PPARGC1A: variants seen among roughly 807,000 people sequenced by gnomAD.
PPARGC1A encodes the protein PPARG coactivator 1 alpha.
A neutral mutation model predicts 88.7 loss-of-function variants in PPARGC1A; 25 were observed. The observed-to-expected ratio is 0.28, with a 90% confidence interval of 0.21 to 0.39. The LOEUF (loss-of-function observed/expected upper bound fraction) is 0.39. PPARGC1A is among the 10% of genes least tolerant of loss of function. The pLI, the probability that PPARGC1A is intolerant of heterozygous loss-of-function variation, is 1.00. For missense variants in PPARGC1A, 880 were observed against 968.7 expected, an observed-to-expected ratio of 0.91 and a Z score of 1.22; for synonymous variants, 363 against 355.6, an observed-to-expected ratio of 1.02 and a Z score of -0.24.
the PPARGC1A span, among the ~76,000 whole-genome samples, chr4:23,953,086 T>C: frequency 6.6e-6 from 1 of 152,138 alleles, no homozygotes; most frequent in African/African-American, 2.4e-5. Flanking sequence ...CTCACCTTTC[T>C]TTCTGAAAAT....
chr4:24,471,960 C>A, the PPARGC1A span, among the ~76,000 whole-genome samples: 1 of 152,184 alleles, frequency 6.6e-6, no homozygotes, highest in African/African-American at 2.4e-5. The surrounding 1 kb of genome is among the most constrained non-coding windows in gnomAD (Gnocchi z 5.4). Flanking sequence ...GGCTCTGCAG[C>A]CCCTCGGCGC....
chr4:24,119,460 C>T, the PPARGC1A span, among the ~76,000 whole-genome samples: 1 of 152,138 alleles, frequency 6.6e-6, no homozygotes, highest in Non-Finnish European at 1.5e-5. Flanking sequence ...TTCTCTGTGG[C>T]AACTGAGCAG....
the PPARGC1A span, among the ~76,000 whole-genome samples, chr4:23,983,404 C>T: frequency 2.6e-5 from 4 of 152,042 alleles, no homozygotes; most frequent in Non-Finnish European, 4.4e-5. Context: ...GATGCAGTGC[C>T]TTTAAAACAG....
the PPARGC1A span, among the ~76,000 whole-genome samples, chr4:24,101,303 T>C: frequency 1.3e-5 from 2 of 152,218 alleles, no homozygotes; most frequent in Admixed American, 6.5e-5. Context: ...CCTTCTGCCA[T>C]GATTGTACGT....
chr4:23,994,120 C>T, the PPARGC1A span, among the ~76,000 whole-genome samples: 5 of 152,116 alleles, frequency 3.3e-5, no homozygotes, highest in Non-Finnish European at 5.9e-5. Flanking sequence ...ATTTGAATCC[C>T]GGTCACCTCA....
At chr4:24,272,479 C>G in the PPARGC1A span, among the ~76,000 whole-genome samples, 1 of 152,044 alleles carries the variant, frequency 6.6e-6, no homozygotes, top group Non-Finnish European at 1.5e-5. Flanking sequence ...GATCACTAGG[C>G]CCTAATTTAG....
chr4:24,415,187 C>CA, the PPARGC1A span, among the ~76,000 whole-genome samples: 333 of 122,246 alleles, frequency 2.7e-3, no homozygotes, highest in African/African-American at 5.1e-3. Flanking sequence ...GAGACTCTGT[C>CA]AAAAAAAAAA....
At chr4:24,276,327 A>G in the PPARGC1A span, among the ~76,000 whole-genome samples, 1 of 152,198 alleles carries the variant, frequency 6.6e-6, no homozygotes, top group African/African-American at 2.4e-5. Context: ...GTAAGTCCAC[A>G]TGCATCCAGG....
chr4:24,133,535 T>C, the PPARGC1A span, among the ~76,000 whole-genome samples: 2 of 152,252 alleles, frequency 1.3e-5, no homozygotes, highest in African/African-American at 4.8e-5. Flanking sequence ...CACGTCTTCG[T>C]TGAAGAGAAG....
At chr4:24,045,626 G>C in the PPARGC1A span, among the ~76,000 whole-genome samples, 1 of 152,084 alleles carries the variant, frequency 6.6e-6, no homozygotes, top group Non-Finnish European at 1.5e-5. Context: ...CTTCTCCTCC[G>C]TGTGTCTGTC....
chr4:23,880,036 T>C (rs1265525742), intron 2 of PPARGC1A: 1 of 151,910 alleles, frequency 6.6e-6, no homozygotes, highest in African/African-American at 2.4e-5. Flanking sequence ...CAGCTAGAAA[T>C]ACACATACAT....
At chr4:23,857,902 T>C (rs74868851) in intron 2 of PPARGC1A, among the ~76,000 whole-genome samples, 17,643 of 151,348 alleles carry the variant, frequency 0.12, 1,165 homozygotes, top group Non-Finnish European at 0.14. Flanking sequence ...CAGCCATACA[T>C]ATCCTTCTGC....
At position 23,884,944 on chromosome 4, in the gene PPARGC1A, GA is replaced by G. The variant is rs760657208; in HGVS notation, c.55-14del. The G allele has an allele frequency of 2.7e-4, 393 of 1,468,170 alleles. 1 individual carries two copies. The highest frequency in any genetic ancestry group is 2.0e-3 in the South Asian group (149 of 73,294). The allele number at this position is 1,468,170 out of a possible 1,614,324, so 90.9% of individuals were successfully genotyped here. A position where few individuals can be genotyped will look rare whatever the true frequency, so the allele number is the denominator to read the frequency against. On this transcript the variant is annotated splice_polypyrimidine_tract_variant and intron_variant, in intron 1 of 12. Transcript: ENST00000264867. ...CCAGAGCAGCACACTGCAGGAGGCA[GA>G]AAAAAAAAATTTAAAAAAGCTTCCA...
At chr4:24,402,932 C>G in the PPARGC1A span, among the ~76,000 whole-genome samples, 1 of 152,212 alleles carries the variant, frequency 6.6e-6, no homozygotes, top group Non-Finnish European at 1.5e-5. Context: ...AGTATGATGC[C>G]TGGCTCTCAT....
the PPARGC1A span, among the ~76,000 whole-genome samples, chr4:23,992,281 T>A: frequency 0.022 from 547 of 24,402 alleles, 3 homozygotes; most frequent in Non-Finnish European, 0.037. Flanking sequence ...TTATTACTAG[T>A]CTATACTATT....
the PPARGC1A span, among the ~76,000 whole-genome samples, chr4:24,058,604 C>T: frequency 5.3e-5 from 8 of 152,148 alleles, no homozygotes; most frequent in Admixed American, 5.2e-4. Flanking sequence ...GGGACAAGTT[C>T]AGGTCAACGA....
chr4:23,969,288 T>A, the PPARGC1A span, among the ~76,000 whole-genome samples: 1 of 152,176 alleles, frequency 6.6e-6, no homozygotes, highest in African/African-American at 2.4e-5. Flanking sequence ...AAAAATGTCA[T>A]CTATATGAGG....
chr4:24,440,528 G>A, the PPARGC1A span, among the ~76,000 whole-genome samples: 7 of 152,230 alleles, frequency 4.6e-5, no homozygotes, highest in South Asian at 6.2e-4. Flanking sequence ...TTGGCCGGCC[G>A]CAGTGGCTCA....
the PPARGC1A span, among the ~76,000 whole-genome samples, chr4:24,317,596 A>AAAAAAAAAAAAC: frequency 7.6e-6 from 1 of 131,134 alleles, no homozygotes. Context: ...AAAAAAAAAA[A>AAAAAAAAAAAAC]CACCACCACC....
Sources: gnomAD v4.1 joint callset for allele counts (sites outside exome capture counted in the v4.1 genomes callset) on GRCh38, gnomAD v4.1.1 for gene constraint, Gnocchi (gnomAD v3.1) non-coding constraint, MANE v1.5 for transcripts, NCBI Gene and HGNC (gene_info 2026-07-23, HGNC 2026-07-21) for gene names.